OR6N1: variants seen among roughly 807,000 people sequenced by gnomAD.
OR6N1 encodes olfactory receptor family 6 subfamily N member 1, also known as olfactory receptor 6N1.
For synonymous variants in OR6N1, 170 were observed against 150.7 expected (o/e 1.13, Z -0.94); for missense variants, 394 against 371.7 (o/e 1.06, Z -0.49).
chr1:158,767,810 G>A (rs1305371467), intron 1 of OR6N1, among the ~76,000 whole-genome samples: 5 of 151,994 alleles, frequency 3.3e-5, no homozygotes, highest in South Asian at 2.1e-4. Flanking sequence ...TCGGCTATAC[G>A]CATTGCCTTT....
At chr1:158,809,530 A>C in the OR6N1 span, among the ~76,000 whole-genome samples, 1 of 152,266 alleles carries the variant, frequency 6.6e-6, no homozygotes, top group Non-Finnish European at 1.5e-5. Context: ...CAGGTGTGGG[A>C]CTAGAAATCA....
the OR6N1 span, among the ~76,000 whole-genome samples, chr1:158,779,593 G>A: frequency 6.6e-6 from 1 of 152,172 alleles, no homozygotes; most frequent in Non-Finnish European, 1.5e-5. Flanking sequence ...GAAAGCAACT[G>A]ATACTTAAAA....
chr1:158,768,600 T>G (rs992398495), intron 1 of OR6N1, among the ~76,000 whole-genome samples: 1 of 152,252 alleles, frequency 6.6e-6, no homozygotes, highest in Non-Finnish European at 1.5e-5. Flanking sequence ...AGTGATCCTG[T>G]TAAATTCTAA....
the OR6N1 span, among the ~76,000 whole-genome samples, chr1:158,798,625 T>C: frequency 1.6e-4 from 24 of 152,218 alleles, no homozygotes; most frequent in African/African-American, 5.3e-4. Context: ...TATTGACACT[T>C]GTTTTATGGC....
At chr1:158,819,923 A>T in the OR6N1 span, among the ~76,000 whole-genome samples, 1 of 152,178 alleles carries the variant, frequency 6.6e-6, no homozygotes, top group African/African-American at 2.4e-5. Flanking sequence ...GGAATTAAAG[A>T]CACACACACA....
chr1:158,811,133 T>C, the OR6N1 span, among the ~76,000 whole-genome samples: 2 of 152,286 alleles, frequency 1.3e-5, no homozygotes, highest in South Asian at 4.1e-4. Context: ...GAACATGCAG[T>C]ATTTGGTTTT....
At chr1:158,805,510 C>T in the OR6N1 span, among the ~76,000 whole-genome samples, 3 of 152,138 alleles carry the variant, frequency 2.0e-5, no homozygotes, top group Non-Finnish European at 4.4e-5. Context: ...GACTTCAATT[C>T]CCTTAGGTCC....
At chr1:158,816,098 C>A in the OR6N1 span, among the ~76,000 whole-genome samples, 2 of 148,808 alleles carry the variant, frequency 1.3e-5, no homozygotes, top group Non-Finnish European at 3.0e-5. Context: ...GTGGATCTTG[C>A]AGTGAGAGGA....
At chr1:158,786,291 TGA>T in the OR6N1 span, among the ~76,000 whole-genome samples, 1 of 152,232 alleles carries the variant, frequency 6.6e-6, no homozygotes, top group African/African-American at 2.4e-5. Flanking sequence ...AAAACCGTAA[TGA>T]GAGACCACCT....
the OR6N1 span, among the ~76,000 whole-genome samples, chr1:158,814,670 C>T: frequency 6.6e-6 from 1 of 152,138 alleles, no homozygotes; most frequent in East Asian, 1.9e-4. Flanking sequence ...CGGCACTAAT[C>T]TCATTCATAA....
chr1:158,782,310 A>G, the OR6N1 span, among the ~76,000 whole-genome samples: 1 of 152,216 alleles, frequency 6.6e-6, no homozygotes, highest in Non-Finnish European at 1.5e-5. Context: ...CTGTTTGGCA[A>G]CTAAACTTCT....
chr1:158,797,316 T>C, the OR6N1 span, among the ~76,000 whole-genome samples: 1 of 152,202 alleles, frequency 6.6e-6, no homozygotes, highest in Non-Finnish European at 1.5e-5. Context: ...TTTTCCAATG[T>C]AGTAACTGTG....
chr1:158,796,540 C>T, the OR6N1 span, among the ~76,000 whole-genome samples: 8 of 152,178 alleles, frequency 5.3e-5, no homozygotes, highest in Admixed American at 3.3e-4. Context: ...AGCAAATATA[C>T]TTCTAATTTC....
In OR6N1 at chr1:158,764,246, T is replaced by C. The variant is rs1333450268; in HGVS notation, c.*1498A>G. On this transcript the variant is annotated 3_prime_UTR_variant, in exon 2 of 2. Transcript: ENST00000641846. ...TAATATTTTGAATTCCTGGTGATTA[T>C]TTAATGTAAAAACATTTATCTGCTT... The C allele has an allele frequency of 6.6e-6, 1 of 151,534 alleles. No individual in the cohort carries two copies. Among genetic ancestry groups the C allele is most frequent in the East Asian group, 1.9e-4 (1 of 5,190 alleles). 9.4% of individuals were successfully genotyped at this position (151,534 alleles called of 1,614,324 possible). A position where few individuals can be genotyped will look rare whatever the true frequency, so the allele number is the denominator to read the frequency against.
Position 158,766,595 on chromosome 1 carries a change from A to C in OR6N1, c.88T>G (p.Leu30Val). The C allele has an allele frequency of 6.2e-7, 1 of 1,614,102 alleles. No homozygotes were observed. Among genetic ancestry groups the C allele is most frequent in the Non-Finnish European group, 8.5e-7 (1 of 1,180,018 alleles). Reference sequence around the variant, plus strand: ...GTCATGAGGTAAATGAGAAGCAACAAGAGGAAGAGATAAATCTGGACACCC... The same window carrying C: ...GTCATGAGGTAAATGAGAAGCAACACGAGGAAGAGATAAATCTGGACACCC... ...LQGVQIYLFL[L>V]LLLIYLMTVL... Residue 30 changes from leucine (L) to valine (V), a missense_variant, in exon 2 of 2, where the codon TTG becomes GTG. Leu to Val is a conservative substitution (Grantham distance 32). Coordinates refer to ENST00000641846, the MANE Select transcript of OR6N1 (RefSeq NM_001005185.2).
the OR6N1 span, among the ~76,000 whole-genome samples, chr1:158,818,802 C>T: frequency 2.6e-5 from 4 of 152,132 alleles, no homozygotes; most frequent in African/African-American, 9.7e-5. Context: ...TTCCCTTTAG[C>T]CAAACAGTGG....
At chr1:158,797,779 G>C in the OR6N1 span, among the ~76,000 whole-genome samples, 1 of 152,096 alleles carries the variant, frequency 6.6e-6, no homozygotes, top group African/African-American at 2.4e-5. Flanking sequence ...TGGAATCACT[G>C]TTAGGCTATC....
chr1:158,787,443 A>G, the OR6N1 span, among the ~76,000 whole-genome samples: 1 of 152,134 alleles, frequency 6.6e-6, no homozygotes, highest in East Asian at 1.9e-4. Context: ...TTGTAGCACA[A>G]ATGTAGCCAT....
chr1:158,790,431 C>T, the OR6N1 span, among the ~76,000 whole-genome samples: 3 of 137,708 alleles, frequency 2.2e-5, no homozygotes, highest in African/African-American at 8.6e-5. Flanking sequence ...GACGGCATCT[C>T]GCTCTGTCAC....
Sources: allele counts gnomAD v4.1 joint callset (sites outside exome capture counted in the v4.1 genomes callset), GRCh38; gene constraint gnomAD v4.1.1; transcripts MANE v1.5; gene names NCBI Gene and HGNC (gene_info 2026-07-23, HGNC 2026-07-21).